Variants in RAD51B observed in about 807,000 individuals in gnomAD.
RAD51B encodes RAD51 paralog B.
A neutral mutation model predicts 42.2 loss-of-function variants in RAD51B; 38 were observed. The ratio of observed to expected loss-of-function variants is 0.90; its 90% confidence interval spans 0.70 to 1.18. The LOEUF is 1.18. Ranked by LOEUF, RAD51B falls within the 50% of genes most tolerant of loss-of-function variation. The pLI, the probability that RAD51B is intolerant of heterozygous loss-of-function variation, is 0.00. For missense variants in RAD51B, 373 were observed against 400.7 expected (o/e 0.93, Z 0.59); for synonymous variants, 154 against 145.2 (o/e 1.06, Z -0.43).
In RAD51B at chr14:68,278,049, G is replaced by A. The variant is rs144189908; in HGVS notation, c.757-13835G>A. ...TGAGCCACTGCGACCAGCCAGAGGCGTGCTGTGTTCTATTGGCTCTTTTGC... is the reference window on the plus strand; with the variant it reads ...TGAGCCACTGCGACCAGCCAGAGGCATGCTGTGTTCTATTGGCTCTTTTGC... On this transcript the variant is annotated intron_variant, in intron 7 of 10. Transcript: ENST00000471583. Among the ~76,000 whole-genome samples the A allele has an allele frequency of 5.1e-4, 78 of 152,262 alleles. No homozygotes were observed. The East Asian group carries it at 0.012, about 23-fold the overall frequency.
intron 8 of RAD51B, among the ~76,000 whole-genome samples, chr14:68,335,867 A>G (rs2082445664): frequency 6.6e-6 from 1 of 152,192 alleles, no homozygotes; most frequent in African/African-American, 2.4e-5. Context: ...CCATTAGGTT[A>G]GCAATACTTT....
intron 10 of RAD51B, among the ~76,000 whole-genome samples, chr14:68,594,277 AAGAG>A (rs1017227142): frequency 6.6e-6 from 1 of 152,176 alleles, no homozygotes; most frequent in African/African-American, 2.4e-5. Context: ...GAGACAGAGC[AAGAG>A]AGAGAGTTTG....
chr14:68,609,399 G>A (rs112127671), intron 10 of RAD51B, among the ~76,000 whole-genome samples: 1 of 152,034 alleles, frequency 6.6e-6, no homozygotes, highest in Admixed American at 6.5e-5. Context: ...TTACTGAGCA[G>A]GTCCAGGCCT....
At chr14:68,537,854 G>A (rs953159785) in intron 10 of RAD51B, among the ~76,000 whole-genome samples, 4 of 151,810 alleles carry the variant, frequency 2.6e-5, no homozygotes, top group African/African-American at 9.7e-5. Context: ...GTTTTCAAAC[G>A]AATTGGTTAG....
intron 7 of RAD51B, among the ~76,000 whole-genome samples, chr14:68,184,921 A>G (rs900098774): frequency 6.6e-6 from 1 of 152,226 alleles, no homozygotes; most frequent in Non-Finnish European, 1.5e-5. Context: ...TTTGACTCTC[A>G]TTACACATGT....
chr14:68,638,463 G>A (rs1892385447), intron 10 of RAD51B, among the ~76,000 whole-genome samples: 1 of 152,182 alleles, frequency 6.6e-6, no homozygotes, highest in East Asian at 1.9e-4. Context: ...ATCCACAGAT[G>A]GAAAAGGTCA....
chr14:68,083,607 A>G (rs920418828), intron 7 of RAD51B, among the ~76,000 whole-genome samples: 1 of 152,216 alleles, frequency 6.6e-6, no homozygotes, highest in African/African-American at 2.4e-5. Context: ...AATTAGTAGA[A>G]AAAAGCCATT....
intron 10 of RAD51B, among the ~76,000 whole-genome samples, chr14:68,558,255 C>A (rs1012356356): frequency 1.3e-5 from 2 of 152,244 alleles, no homozygotes; most frequent in African/African-American, 4.8e-5. Flanking sequence ...CCCACCCATG[C>A]CCCTGAGAGA....
At chr14:67,988,674 G>A (rs2075237242) in intron 7 of RAD51B, among the ~76,000 whole-genome samples, 1 of 152,080 alleles carries the variant, frequency 6.6e-6, no homozygotes, top group African/African-American at 2.4e-5. Context: ...GCAGGAAGAG[G>A]CACTGTGATT....
exon 11 of RAD51B, chr14:68,595,739 G>T (rs759300866): frequency 7.8e-6 from 5 of 640,652 alleles, no homozygotes; most frequent in African/African-American, 7.6e-5. Context: ...AAAATTATGT[G>T]TCAGAAGAAG....
chr14:67,927,851 A>G (rs879586930), intron 7 of RAD51B, among the ~76,000 whole-genome samples: 3 of 148,132 alleles, frequency 2.0e-5, no homozygotes, highest in Non-Finnish European at 4.4e-5. Context: ...GGAAAAAATG[A>G]ATCCCACTTG....
intron 11 of RAD51B, among the ~76,000 whole-genome samples, chr14:68,676,392 G>A (rs1462903424): frequency 6.6e-6 from 1 of 152,220 alleles, no homozygotes; most frequent in Admixed American, 6.5e-5. Flanking sequence ...GCTGCATTTG[G>A]TTTGGGAATG....
Position 68,132,630 on chromosome 14 carries a change from A to C in RAD51B, c.757-159254A>C, listed in dbSNP as rs190483493. 2.4e-3 allele frequency among the ~76,000 whole-genome samples: 365 copies of C among 152,354 alleles called. 2 individuals carry two copies. The highest frequency in any genetic ancestry group is 8.3e-3 in the African/African-American group (345 of 41,582). On this transcript the variant is annotated intron_variant, in intron 7 of 10. Coordinates refer to ENST00000471583, the MANE Select transcript of RAD51B (RefSeq NM_133510.4). ...TGAACAAAGAAAGGATTGAACAGCC[A>C]AACTGTGGAGAGGGCAGGCATCCCA...
intron 7 of RAD51B, among the ~76,000 whole-genome samples, chr14:68,146,098 A>G (rs1291978474): frequency 6.6e-6 from 1 of 152,032 alleles, no homozygotes; most frequent in Non-Finnish European, 1.5e-5. Flanking sequence ...TAGTGTGGGG[A>G]GGTGGAATGA....
In RAD51B at chr14:68,589,900, T is replaced by C. The variant is rs957000126; in HGVS notation, c.1037-4585T>C. Reference sequence around the variant, plus strand: ...TTTCATTAGCTCATCAAGCTGGGTATGTCTGTGTTAGCTCACACAGACATA... The same window carrying C: ...TTTCATTAGCTCATCAAGCTGGGTACGTCTGTGTTAGCTCACACAGACATA... On this transcript the variant is annotated intron_variant, in intron 10 of 10. Coordinates refer to the RAD51B transcript ENST00000487270. 3.3e-5 allele frequency among the ~76,000 whole-genome samples: 5 copies of C among 152,364 alleles called. No individual in the cohort carries two copies. The East Asian group carries it at 9.6e-4, about 29-fold the overall frequency.
At chr14:68,403,411 TCTC>T (rs902125837) in intron 8 of RAD51B, among the ~76,000 whole-genome samples, 5 of 152,190 alleles carry the variant, frequency 3.3e-5, no homozygotes, top group Admixed American at 6.5e-5. Context: ...TTCAGTTTGA[TCTC>T]CTAGAAATGC....
chr14:68,406,778 A>G (rs1044128415), intron 8 of RAD51B, among the ~76,000 whole-genome samples: 3 of 152,230 alleles, frequency 2.0e-5, no homozygotes, highest in Non-Finnish European at 2.9e-5. Flanking sequence ...CAAACATTGC[A>G]TAGCTGTTCA....
At chr14:68,047,951 T>C (rs574103785) in intron 7 of RAD51B, among the ~76,000 whole-genome samples, 3 of 152,320 alleles carry the variant, frequency 2.0e-5, no homozygotes, top group Admixed American at 6.5e-5. Context: ...ATCTAGTGTT[T>C]AGTGTGTCAA....
chr14:67,921,826 TC>T (rs2044336698), intron 7 of RAD51B, among the ~76,000 whole-genome samples: 1 of 152,144 alleles, frequency 6.6e-6, no homozygotes, highest in African/African-American at 2.4e-5. Flanking sequence ...TTCAGTTTCC[TC>T]CCCTGTCCCA....
Sources: allele counts gnomAD v4.1 joint callset (sites outside exome capture counted in the v4.1 genomes callset), GRCh38; gene constraint gnomAD v4.1.1; transcripts MANE v1.5; gene names NCBI Gene and HGNC (gene_info 2026-07-23, HGNC 2026-07-21).